ULK4: variants seen among roughly 807,000 people sequenced by gnomAD.
The protein encoded by ULK4 is inactive serine/threonine-protein kinase ULK4.
A neutral mutation model predicts 160.6 loss-of-function variants in ULK4; 133 were observed. That is an observed-to-expected ratio of 0.83 (90% confidence interval 0.72 to 0.96). The LOEUF is 0.96. ULK4 is among the 40% of genes least tolerant of loss of function. The probability of loss-of-function intolerance (pLI) is 0.00; values close to 1 mark genes in which losing one functional copy is unlikely to be tolerated. For synonymous variants in ULK4, 534 were observed against 539.8 expected, an observed-to-expected ratio of 0.99 and a Z score of 0.15; for missense variants, 1,580 against 1,499.5, an observed-to-expected ratio of 1.05 and a Z score of -0.89.
At chr3:41,431,218 C>A (rs888162331) in intron 34 of ULK4, among the ~76,000 whole-genome samples, 1 of 151,902 alleles carries the variant, frequency 6.6e-6, no homozygotes, top group Admixed American at 6.6e-5. Flanking sequence ...CGTAGTGAGG[C>A]ACACCTGTAG....
intron 31 of ULK4, among the ~76,000 whole-genome samples, chr3:41,567,615 TTTTTG>T (rs371119175): frequency 5.9e-5 from 9 of 151,736 alleles, no homozygotes; most frequent in Non-Finnish European, 8.8e-5. Context: ...CCCGGCTAAT[TTTTTG>T]TTTTGTTTTG....
intron 35 of ULK4, among the ~76,000 whole-genome samples, chr3:41,276,747 A>AG (rs2079235382): frequency 6.6e-6 from 1 of 152,258 alleles, no homozygotes; most frequent in South Asian, 2.1e-4. Context: ...AATAAGTATA[A>AG]GGTCAACTCA....
rs1259865409 is a variant in ULK4, at chr3:41,859,339, C to T, written c.1657-23368G>A. 5.1e-6 allele frequency: 3 copies of T among 593,384 alleles called. 1 individual carries two copies. The highest frequency in any genetic ancestry group is 4.2e-5 in the South Asian group (3 of 72,128). 36.8% of individuals were successfully genotyped at this position (593,384 alleles called of 1,614,324 possible). On this transcript the variant is annotated intron_variant, in intron 17 of 36. Coordinates refer to ENST00000301831, the MANE Select transcript of ULK4 (RefSeq NM_017886.4). ...CTCAAAGACTGAGCACTGTAGAGCA[C>T]ATCTTCCTCCTCAAGGCCAATGATG...
At chr3:41,803,483 T>TTATTA in intron 19 of ULK4, among the ~76,000 whole-genome samples, 1 of 151,920 alleles carries the variant, frequency 6.6e-6, no homozygotes, top group East Asian at 1.9e-4. Flanking sequence ...AGCTTTCTTT[T>TTATTA]TTATTATTAT....
chr3:41,763,712 T>C (rs1271280876), intron 21 of ULK4, among the ~76,000 whole-genome samples: 1 of 152,216 alleles, frequency 6.6e-6, no homozygotes, highest in Non-Finnish European at 1.5e-5. Context: ...CTTTTGGGTA[T>C]ACACCTGCCA....
At chr3:41,688,551 T>G (rs1462663690) in intron 27 of ULK4, among the ~76,000 whole-genome samples, 1 of 152,204 alleles carries the variant, frequency 6.6e-6, no homozygotes, top group African/African-American at 2.4e-5. Context: ...TTTTAAAAGA[T>G]TTGAACTTAT....
At chr3:41,379,594 T>G (rs560234273) in intron 35 of ULK4, among the ~76,000 whole-genome samples, 1 of 152,286 alleles carries the variant, frequency 6.6e-6, no homozygotes, top group East Asian at 1.9e-4. Flanking sequence ...AAAATGCCAA[T>G]GAGACCTGAT....
At chr3:41,519,195 A>G (rs914185315) in intron 32 of ULK4, among the ~76,000 whole-genome samples, 1 of 152,192 alleles carries the variant, frequency 6.6e-6, no homozygotes, top group Non-Finnish European at 1.5e-5. Context: ...CGTTGAACAC[A>G]AAGTGGCTGC....
At chr3:41,334,756 A>G (rs1230557611) in intron 35 of ULK4, among the ~76,000 whole-genome samples, 3 of 152,256 alleles carry the variant, frequency 2.0e-5, no homozygotes, top group Admixed American at 1.3e-4. Context: ...ATTTTAATAC[A>G]TGAAAACATA....
chr3:41,861,999 A>T (rs9832548), intron 17 of ULK4, among the ~76,000 whole-genome samples: 27,173 of 151,708 alleles, frequency 0.18, 2,506 homozygotes, highest in Middle Eastern at 0.31. Context: ...TTTTGTAGAG[A>T]CGGGGTTTCA....
chr3:41,587,004 G>T (rs954807061), intron 31 of ULK4, among the ~76,000 whole-genome samples: 5 of 152,134 alleles, frequency 3.3e-5, no homozygotes, highest in Non-Finnish European at 7.4e-5. Context: ...GGCTCAACGG[G>T]TTCTCTACGT....
In ULK4 at chr3:41,953,128, C is replaced by T. The variant is rs74402940; in HGVS notation, c.138+1494G>A. ...TTATGGGGATAGATGGAGGTGATAGCTGCACAGCAATATGAATGTACTTAT... is the reference window on the plus strand; with the variant it reads ...TTATGGGGATAGATGGAGGTGATAGTTGCACAGCAATATGAATGTACTTAT... On this transcript the variant is annotated intron_variant, in intron 2 of 36. Transcript: ENST00000301831. 8.8e-3 allele frequency among the ~76,000 whole-genome samples: 1,331 copies of T among 151,866 alleles called. 21 individuals are homozygous for T. The highest frequency in any genetic ancestry group is 0.031 in the African/African-American group (1,281 of 41,412).
intron 35 of ULK4, among the ~76,000 whole-genome samples, chr3:41,395,305 T>A (rs1243138840): frequency 6.6e-6 from 1 of 151,718 alleles, no homozygotes; most frequent in Non-Finnish European, 1.5e-5. Flanking sequence ...GAAAACTTCA[T>A]GAGCCAATCC....
chr3:41,453,815 G>A (rs1451239643), intron 34 of ULK4, among the ~76,000 whole-genome samples: 1 of 151,744 alleles, frequency 6.6e-6, no homozygotes, highest in Non-Finnish European at 1.5e-5. Flanking sequence ...GGATATCATA[G>A]AAAAATTCCA....
intron 35 of ULK4, among the ~76,000 whole-genome samples, chr3:41,267,169 G>A (rs556024846): frequency 4.6e-5 from 7 of 151,564 alleles, no homozygotes; most frequent in Admixed American, 2.6e-4. Context: ...CCCTTGCCCC[G>A]CATCCCCCAA....
At chr3:41,892,703 C>A (rs1445578343) in intron 16 of ULK4, among the ~76,000 whole-genome samples, 1 of 152,138 alleles carries the variant, frequency 6.6e-6, no homozygotes. Flanking sequence ...GGGAAACCAA[C>A]CATCAGGCCT....
intron 32 of ULK4, among the ~76,000 whole-genome samples, chr3:41,483,238 C>T (rs752051937): frequency 6.6e-6 from 1 of 152,060 alleles, no homozygotes; most frequent in Non-Finnish European, 1.5e-5. Flanking sequence ...TAATTTTTAG[C>T]TCCCAAAAAT....
chr3:41,546,767 T>A (rs13093759), intron 32 of ULK4, among the ~76,000 whole-genome samples: 1,907 of 32,536 alleles, frequency 0.059, 154 homozygotes, highest in Middle Eastern at 0.11. Context: ...CCTAGGCCCT[T>A]AAAAAAAAAA....
At chr3:41,883,573 T>C (rs1245981512) in intron 17 of ULK4, among the ~76,000 whole-genome samples, 1 of 152,260 alleles carries the variant, frequency 6.6e-6, no homozygotes, top group East Asian at 1.9e-4. Flanking sequence ...CATTAGTCTG[T>C]TGGACAGACT....
Sources: allele counts gnomAD v4.1 joint callset (sites outside exome capture counted in the v4.1 genomes callset), GRCh38; gene constraint gnomAD v4.1.1; transcripts MANE v1.5; gene names NCBI Gene and HGNC (gene_info 2026-07-23, HGNC 2026-07-21).